The following PTPRD variants were observed in gnomAD, a reference collection of about 807,000 sequenced individuals.
The protein encoded by PTPRD is protein tyrosine phosphatase receptor type D.
PTPRD carries 34 observed loss-of-function variants against 214.5 expected under a neutral mutation model. The ratio of observed to expected loss-of-function variants is 0.16; its 90% confidence interval spans 0.12 to 0.21. PTPRD has a LOEUF of 0.21. Ranked by LOEUF, PTPRD falls within the 10% of genes least tolerant of loss-of-function variation. The pLI is 1.00. For missense variants in PTPRD, 2,545 were observed against 2,398.7 expected, an observed-to-expected ratio of 1.06 and a Z score of -1.27; for synonymous variants, 1,128 against 845.7, an observed-to-expected ratio of 1.33 and a Z score of -5.79.
intron 11 of PTPRD, among the ~76,000 whole-genome samples, chr9:8,878,773 C>A (rs745526338): frequency 1.4e-4 from 22 of 152,258 alleles, no homozygotes; most frequent in Non-Finnish European, 3.1e-4. Flanking sequence ...AGCAATTCTC[C>A]CACCTTGGCC....
At chr9:8,600,459 T>C (rs149835986) in intron 14 of PTPRD, among the ~76,000 whole-genome samples, 12 of 150,950 alleles carry the variant, frequency 7.9e-5, no homozygotes, top group Admixed American at 7.9e-4. Flanking sequence ...GGATCACCCC[T>C]CCATCAACAC....
intron 10 of PTPRD, among the ~76,000 whole-genome samples, chr9:9,097,430 A>G (rs1286253854): frequency 6.8e-6 from 1 of 148,034 alleles, no homozygotes; most frequent in Non-Finnish European, 1.5e-5. Context: ...TTCTTTTGAG[A>G]TGGAGTCTCG....
chr9:9,888,908 A>G (rs2072069080), intron 5 of PTPRD, among the ~76,000 whole-genome samples: 1 of 152,156 alleles, frequency 6.6e-6, no homozygotes, highest in Admixed American at 6.6e-5. Context: ...TCTTTTTATG[A>G]GAAAGGCAAA....
intron 3 of PTPRD, among the ~76,000 whole-genome samples, chr9:10,147,922 T>C (rs919607959): frequency 6.6e-6 from 1 of 152,120 alleles, no homozygotes; most frequent in African/African-American, 2.4e-5. Context: ...ATATTTGTTT[T>C]GCACATGTGA....
chr9:10,085,206 A>T (rs2098313584), intron 3 of PTPRD, among the ~76,000 whole-genome samples: 1 of 151,872 alleles, frequency 6.6e-6, no homozygotes, highest in African/African-American at 2.4e-5. Flanking sequence ...GTAATTTATA[A>T]ATAAGTATAT....
At chr9:9,243,408 C>A (rs536499514) in intron 9 of PTPRD, among the ~76,000 whole-genome samples, 10 of 151,990 alleles carry the variant, frequency 6.6e-5, no homozygotes, top group Non-Finnish European at 4.4e-5. Flanking sequence ...ACTGGCAAAC[C>A]GAATCCAGCA....
chr9:9,450,045 G>T (rs111268434), intron 8 of PTPRD, among the ~76,000 whole-genome samples: 16 of 151,722 alleles, frequency 1.1e-4, no homozygotes, highest in Non-Finnish European at 1.6e-4. Context: ...CAACCAAAGC[G>T]CTGCAAAGGC....
At chr9:8,659,179 C>G (rs759653561) in intron 12 of PTPRD, among the ~76,000 whole-genome samples, 4 of 152,134 alleles carry the variant, frequency 2.6e-5, no homozygotes, top group African/African-American at 4.8e-5. Context: ...AGATGCATAT[C>G]CACATTTTTG....
At chr9:10,111,229 C>CCTTTTTTTTTTTTTTTTT (rs2098688430) in intron 3 of PTPRD, among the ~76,000 whole-genome samples, 1 of 72,150 alleles carries the variant, frequency 1.4e-5, no homozygotes, top group African/African-American at 5.7e-5. Context: ...AGTTTAGTTT[C>CCTTTTTTTTTTTTTTTTT]TTTTTTTTTT....
At chr9:9,713,254 T>A (rs1446679980) in intron 7 of PTPRD, among the ~76,000 whole-genome samples, 1 of 152,066 alleles carries the variant, frequency 6.6e-6, no homozygotes, top group Non-Finnish European at 1.5e-5. Flanking sequence ...AGACACAAAT[T>A]CTCCTTCTAT....
intron 2 of PTPRD, among the ~76,000 whole-genome samples, chr9:10,435,186 G>A (rs2098709362): frequency 6.6e-6 from 1 of 151,838 alleles, no homozygotes; most frequent in Admixed American, 6.6e-5. Flanking sequence ...TACAATCTGT[G>A]GAAACTGAAC....
intron 12 of PTPRD, among the ~76,000 whole-genome samples, chr9:8,732,871 G>A (rs765164527): frequency 1.3e-5 from 2 of 152,150 alleles, no homozygotes; most frequent in Non-Finnish European, 2.9e-5. Flanking sequence ...TAATCTCACT[G>A]AAATAGTGGA....
intron 2 of PTPRD, among the ~76,000 whole-genome samples, chr9:10,377,323 G>C (rs753430023): frequency 6.6e-6 from 1 of 151,462 alleles, no homozygotes; most frequent in Admixed American, 6.6e-5. Flanking sequence ...TAAGTTCTAG[G>C]GTACACGAGC....
At chr9:9,979,667 A>C (rs903218965) in intron 4 of PTPRD, among the ~76,000 whole-genome samples, 8 of 152,178 alleles carry the variant, frequency 5.3e-5, no homozygotes, top group Admixed American at 3.3e-4. Flanking sequence ...AAACTATAGA[A>C]TATTAACAAA....
intron 39 of PTPRD, among the ~76,000 whole-genome samples, chr9:8,344,762 G>A (rs1040454656): frequency 1.3e-5 from 2 of 151,980 alleles, no homozygotes; most frequent in Non-Finnish European, 2.9e-5. Context: ...ATCAATGGCT[G>A]TGTGTCCTTG....
intron 34 of PTPRD, among the ~76,000 whole-genome samples, chr9:8,442,616 C>T (rs191014490): frequency 2.2e-3 from 337 of 152,262 alleles, no homozygotes; most frequent in Non-Finnish European, 3.6e-3. Flanking sequence ...CAAAAGTAGA[C>T]TTCTATGAGT....
rs879861615 is a variant in PTPRD, at chr9:9,507,017, T to C, written c.-237+67715A>G. 2.6e-5 allele frequency among the ~76,000 whole-genome samples: 4 copies of C among 151,456 alleles called. No individual in the cohort carries two copies. The Admixed American group carries it at 2.6e-4, about 10-fold the overall frequency. On this transcript the variant is annotated intron_variant, in intron 8 of 45. Transcript: ENST00000381196. ...ATACTTGTCTTAGTTCCATATGTCA[T>C]AGTCCAAAGACATTCAAACAATACA...
rs780025879 is a variant in PTPRD, at chr9:8,787,920, T to A, written c.-103-53974A>T. ...CATTTTGCACCCTATCACCTTTTTT[T>A]AAAACTCATTTTAACCCTATCTACA... On this transcript the variant is annotated intron_variant, in intron 11 of 45. Transcript: ENST00000381196. 8.5e-5 allele frequency among the ~76,000 whole-genome samples: 13 copies of A among 152,308 alleles called. No individual in the cohort carries two copies. The Middle Eastern group carries it at 0.017, about 199-fold the overall frequency.
chr9:10,233,188 G>A (rs7871439), intron 3 of PTPRD, among the ~76,000 whole-genome samples: 16,347 of 152,002 alleles, frequency 0.11, 1,340 homozygotes, highest in East Asian at 0.36. Flanking sequence ...GCATATCAAT[G>A]AAGATAATTC....
Sources: gnomAD v4.1 joint callset for allele counts (sites outside exome capture counted in the v4.1 genomes callset) on GRCh38, gnomAD v4.1.1 for gene constraint, MANE v1.5 for transcripts, NCBI Gene and HGNC (gene_info 2026-07-23, HGNC 2026-07-21) for gene names.